AMPH: variants seen among roughly 807,000 people sequenced by gnomAD.
AMPH encodes amphiphysin (Stiff-Mann syndrome with breast cancer 128kD autoantigen).
In AMPH, 49 loss-of-function variants were observed where a neutral mutation model predicts 99.1. The ratio of observed to expected loss-of-function variants is 0.49; its 90% CI spans 0.39 to 0.63. The LOEUF (loss-of-function observed/expected upper bound fraction) is 0.63. Ranked by LOEUF, AMPH falls within the 20% of genes least tolerant of loss-of-function variation. AMPH has a pLI of 0.00. For missense variants in AMPH, 759 were observed against 863.4 expected (o/e 0.88, Z 1.52); for synonymous variants, 314 against 317.3 (o/e 0.99, Z 0.11).
At chr7:38,573,289 T>G (rs2129053095) in intron 1 of AMPH, among the ~76,000 whole-genome samples, 1 of 152,340 alleles carries the variant, frequency 6.6e-6, no homozygotes, top group Middle Eastern at 3.4e-3. Flanking sequence ...TTTTCTTGTT[T>G]TTAATTTTTG....
In AMPH at chr7:38,435,300, C is replaced by T. The variant is rs545145861; in HGVS notation, c.1134+972G>A. Among the ~76,000 whole-genome samples the T allele has an allele frequency of 3.3e-4, 50 of 152,222 alleles. 1 individual carries two copies. The highest frequency in any genetic ancestry group is 9.8e-4 in the Admixed American group (15 of 15,290). ...GAAAAAAGCATGGACTAGACATAAT[C>T]CTTATTTATTAAGGTTCATATTGAG... On this transcript the variant is annotated intron_variant, in intron 12 of 20. Transcript: ENST00000356264.
intron 1 of AMPH, among the ~76,000 whole-genome samples, chr7:38,595,456 G>A (rs1323456395): frequency 6.6e-6 from 1 of 152,192 alleles, no homozygotes; most frequent in East Asian, 1.9e-4. Context: ...GTATCACAAT[G>A]GCCAGTGAAG....
At chr7:38,407,048 C>CTCTCTA (rs1241166935) in intron 17 of AMPH, among the ~76,000 whole-genome samples, 9 of 31,248 alleles carry the variant, frequency 2.9e-4, no homozygotes, top group Non-Finnish European at 4.3e-4. Flanking sequence ...CTCTCTCTCT[C>CTCTCTA]TATATATATA....
chr7:38,498,961 T>C (rs1789031183), intron 3 of AMPH, among the ~76,000 whole-genome samples: 1 of 152,198 alleles, frequency 6.6e-6, no homozygotes, highest in Admixed American at 6.5e-5. Context: ...AGTTGTTTCT[T>C]CCACCTGCAA....
At chr7:38,601,594 A>G (rs1793249093) in intron 1 of AMPH, among the ~76,000 whole-genome samples, 1 of 152,190 alleles carries the variant, frequency 6.6e-6, no homozygotes, top group Non-Finnish European at 1.5e-5. Flanking sequence ...CCCAGTATCT[A>G]TAGCACAGTT....
chr7:38,555,290 C>T (rs1447230730), intron 1 of AMPH, among the ~76,000 whole-genome samples: 1 of 151,970 alleles, frequency 6.6e-6, no homozygotes, highest in Non-Finnish European at 1.5e-5. Context: ...GAGGCTTACA[C>T]CTGTAGTCCC....
At chr7:38,600,313 T>C (rs1175084949) in intron 1 of AMPH, among the ~76,000 whole-genome samples, 1 of 152,128 alleles carries the variant, frequency 6.6e-6, no homozygotes, top group African/African-American at 2.4e-5. Flanking sequence ...TGTTATAATA[T>C]TCCTTCCATT....
chr7:38,475,188 A>C, intron 7 of AMPH, 143 bp downstream of exon 7: 1 of 570,914 alleles, frequency 1.8e-6, no homozygotes, highest in Non-Finnish European at 3.1e-6. Flanking sequence ...ACAAGTAGCT[A>C]CCATACTGGA....
At chr7:38,565,821 C>T (rs1791721136) in intron 1 of AMPH, among the ~76,000 whole-genome samples, 1 of 152,178 alleles carries the variant, frequency 6.6e-6, no homozygotes, top group Non-Finnish European at 1.5e-5. Context: ...CTCTTTCAAC[C>T]AGTCATCACC....
chr7:38,391,517 C>T (rs182770215), intron 19 of AMPH, among the ~76,000 whole-genome samples: 161 of 152,274 alleles, frequency 1.1e-3, no homozygotes, highest in African/African-American at 3.6e-3. Context: ...ATTCATTACC[C>T]AGGGGCATAC....
intron 17 of AMPH, among the ~76,000 whole-genome samples, chr7:38,395,857 T>C (rs865943854): frequency 1.3e-5 from 2 of 152,314 alleles, no homozygotes; most frequent in Middle Eastern, 3.4e-3. Context: ...TCTACACTTA[T>C]AACAAAGCAG....
At chr7:38,582,430 C>A (rs1300468274) in intron 1 of AMPH, among the ~76,000 whole-genome samples, 4 of 152,172 alleles carry the variant, frequency 2.6e-5, no homozygotes, top group Admixed American at 2.0e-4. Flanking sequence ...CATGTCCAGG[C>A]ACCCCTGAGG....
intron 2 of AMPH, among the ~76,000 whole-genome samples, chr7:38,525,267 TATATATATATAG>T (rs1421108951): frequency 8.7e-5 from 6 of 69,102 alleles, no homozygotes; most frequent in Non-Finnish European, 1.8e-4. Context: ...TGTATATATA[TATATATATATAG>T]AGAGAGAGAG....
intron 1 of AMPH, among the ~76,000 whole-genome samples, chr7:38,567,668 T>G (rs1584253901): frequency 1.3e-5 from 2 of 152,366 alleles, no homozygotes; most frequent in Non-Finnish European, 2.9e-5. Context: ...TGTCATCAAA[T>G]GGATGTTACT....
chr7:38,565,637 A>G (rs1318149645), intron 1 of AMPH, among the ~76,000 whole-genome samples: 1 of 144,186 alleles, frequency 6.9e-6, no homozygotes, highest in Non-Finnish European at 1.5e-5. Flanking sequence ...GAATACAGTC[A>G]CATTCTGAGG....
chr7:38,430,595 A>C (rs567065726), intron 13 of AMPH, among the ~76,000 whole-genome samples: 12 of 152,366 alleles, frequency 7.9e-5, no homozygotes, highest in Admixed American at 5.9e-4. Context: ...AATGTGTTAC[A>C]GTTCCACTAA....
intron 2 of AMPH, among the ~76,000 whole-genome samples, chr7:38,528,009 G>T (rs7777111): frequency 0.33 from 49,570 of 151,966 alleles, 8,563 homozygotes; most frequent in Non-Finnish European, 0.36. Context: ...ATGATCATAT[G>T]ATTTTTTTCC....
At chr7:38,558,310 G>A (rs1791437006) in intron 1 of AMPH, among the ~76,000 whole-genome samples, 1 of 152,166 alleles carries the variant, frequency 6.6e-6, no homozygotes, top group African/African-American at 2.4e-5. Context: ...TATACCAGGG[G>A]TTCTGCACCA....
At chr7:38,482,932 G>T (rs567348747) in intron 5 of AMPH, among the ~76,000 whole-genome samples, 56 of 152,160 alleles carry the variant, frequency 3.7e-4, no homozygotes, top group Non-Finnish European at 5.7e-4. Flanking sequence ...ACCAACACAG[G>T]AATCAATTTT....
Sources: allele counts gnomAD v4.1 joint callset (sites outside exome capture counted in the v4.1 genomes callset), GRCh38; gene constraint gnomAD v4.1.1; transcripts MANE v1.5; gene names NCBI Gene and HGNC (gene_info 2026-07-23, HGNC 2026-07-21).